The following ALK variants were observed in gnomAD, a reference collection of about 807,000 sequenced individuals.
ALK encodes ALK receptor tyrosine kinase.
Under a neutral mutation model 163.1 loss-of-function variants are expected in ALK, and 74 were observed. The observed-to-expected ratio is 0.45, with a 90% CI of 0.38 to 0.55. The LOEUF (loss-of-function observed/expected upper bound fraction) is 0.55. Ranked by LOEUF, ALK falls within the 20% of genes least tolerant of loss-of-function variation. ALK has a pLI of 0.00. For synonymous variants in ALK, 960 were observed against 843.2 expected, an observed-to-expected ratio of 1.14 and a Z score of -2.40; for missense variants, 2,063 against 2,105.3, an observed-to-expected ratio of 0.98 and a Z score of 0.39.
intron 4 of ALK, among the ~76,000 whole-genome samples, chr2:29,437,798 T>C (rs1304752897): frequency 1.3e-5 from 2 of 152,222 alleles, no homozygotes; most frequent in Non-Finnish European, 2.9e-5. Context: ...ATGCTACAAT[T>C]AGTAATCAAC....
At chr2:29,689,592 A>C (rs938375543) in intron 3 of ALK, among the ~76,000 whole-genome samples, 4 of 152,326 alleles carry the variant, frequency 2.6e-5, no homozygotes, top group Admixed American at 6.5e-5. Context: ...CCACAGATGC[A>C]TGGGATCCAC....
In ALK at chr2:29,232,431, C is replaced by G. The variant is rs201700728; in HGVS notation, c.2505G>C (p.Pro835=). 10 of 1,614,218 alleles carry G rather than the reference C, an allele frequency of 6.2e-6. No individual in the cohort carries two copies. Among genetic ancestry groups the G allele is most frequent in the Non-Finnish European group, 8.5e-6 (10 of 1,180,036 alleles). ...CTCCGGCTGCAATGATCAGGGGCAC[C>G]GGCACTCCATCCTTCATCTGACCAG... ...TYVFKMKDGV[P]VPLIIAAGGG... The change falls in exon 15 of 29, where the codon CCG becomes CCC. Residue 835 remains proline, a synonymous_variant. Transcript: ENST00000389048.
At chr2:29,282,098 C>T (rs1665732610) in intron 9 of ALK, among the ~76,000 whole-genome samples, 2 of 152,186 alleles carry the variant, frequency 1.3e-5, no homozygotes, top group African/African-American at 4.8e-5. Flanking sequence ...TCTCACATTC[C>T]TTCCTTGGCC....
chr2:29,250,107 C>G (rs796482166), intron 12 of ALK, among the ~76,000 whole-genome samples: 1 of 152,160 alleles, frequency 6.6e-6, no homozygotes, highest in Non-Finnish European at 1.5e-5. Context: ...GAGGCGAGCT[C>G]ATTTCCTATT....
intron 1 of ALK, among the ~76,000 whole-genome samples, chr2:29,824,230 C>T (rs1416213273): frequency 6.6e-6 from 1 of 152,246 alleles, no homozygotes; most frequent in Admixed American, 6.5e-5. Context: ...CATGGAAATG[C>T]CTGGATGTCC....
At chr2:29,232,559 T>A (rs924866706) in intron 14 of ALK, 111 bp from the exon 15 acceptor site, 2 of 1,442,536 alleles carry the variant, frequency 1.4e-6, no homozygotes, top group Non-Finnish European at 1.9e-6. Context: ...TGGGGTGACC[T>A]GGTGACCTCT....
At chr2:29,789,663 G>T (rs1664137101) in intron 1 of ALK, among the ~76,000 whole-genome samples, 1 of 152,174 alleles carries the variant, frequency 6.6e-6, no homozygotes, top group East Asian at 1.9e-4. Context: ...CTAGACTGGG[G>T]TGAATGAATG....
At position 29,413,869 on chromosome 2, in the gene ALK, T is replaced by C. The variant is rs547531482; in HGVS notation, c.1155-30010A>G. Among the ~76,000 whole-genome samples the C allele has an allele frequency of 2.4e-3, 361 of 152,294 alleles. 2 individuals carry two copies. The highest frequency in any genetic ancestry group is 8.2e-3 in the African/African-American group (342 of 41,558). ...TTTTAGTCGAGACGGGGTTTCGCCA[T>C]GTTGGCCACTCTGCCGAACTCCTGA... On this transcript the variant is annotated intron_variant, in intron 4 of 28. Coordinates refer to ENST00000389048, the MANE Select transcript of ALK (RefSeq NM_004304.5).
At chr2:29,874,878 C>T (rs1241310136) in intron 1 of ALK, among the ~76,000 whole-genome samples, 1 of 152,208 alleles carries the variant, frequency 6.6e-6, no homozygotes, top group African/African-American at 2.4e-5. Context: ...ACTTCCTTAT[C>T]AGTCCCTACC....
chr2:29,501,699 A>G (rs1166377101), intron 4 of ALK, among the ~76,000 whole-genome samples: 2 of 152,220 alleles, frequency 1.3e-5, no homozygotes, highest in Non-Finnish European at 2.9e-5. Flanking sequence ...AATATCCATA[A>G]CATAAAATAT....
intron 4 of ALK, among the ~76,000 whole-genome samples, chr2:29,502,799 T>G (rs1672221223): frequency 6.6e-6 from 1 of 152,192 alleles, no homozygotes; most frequent in African/African-American, 2.4e-5. Context: ...GGCTGGGTGC[T>G]GTGTGTACTG....
intron 11 of ALK, among the ~76,000 whole-genome samples, chr2:29,261,154 C>G (rs77779055): frequency 6.6e-6 from 1 of 152,192 alleles, no homozygotes; most frequent in African/African-American, 2.4e-5. Flanking sequence ...TAGCAACTAT[C>G]TCTTGGCTAC....
chr2:29,885,271 T>C (rs777378552), intron 1 of ALK, among the ~76,000 whole-genome samples: 11 of 152,146 alleles, frequency 7.2e-5, no homozygotes, highest in Non-Finnish European at 1.6e-4. Flanking sequence ...ACAATGTCTG[T>C]AGTTCAGCCT....
chr2:29,332,367 T>C (rs1667470837), intron 5 of ALK, among the ~76,000 whole-genome samples: 1 of 147,650 alleles, frequency 6.8e-6, no homozygotes, highest in African/African-American at 2.5e-5. Context: ...ATCTAGGCTA[T>C]GTCTGTTTCA....
At chr2:29,610,811 A>T (rs969362004) in intron 3 of ALK, among the ~76,000 whole-genome samples, 1 of 152,218 alleles carries the variant, frequency 6.6e-6, no homozygotes, top group Non-Finnish European at 1.5e-5. Context: ...AATTAAAAAA[A>T]TGACTCCGGA....
Position 29,229,004 on chromosome 2 carries a change from C to T in ALK, c.2695G>A (p.Gly899Ser). The change falls in exon 16 of 29, where the codon GGT (glycine) becomes AGT (serine). Residue 899 changes from glycine (G) to serine (S), a missense_variant. Physicochemically the swap from Gly to Ser is moderately conservative, Grantham distance 56. Around this residue, in one of 5 missense-constraint regions of ALK, gnomAD observed 575 missense variants for 626.6 expected, o/e 0.92. Transcript: ENST00000389048. ...GGGCAGGAATGTCCTCCGGTGGCACCCTCCTGCAAAGATTTTCCGGCCCAG... is the reference window on the plus strand; with the variant it reads ...GGGCAGGAATGTCCTCCGGTGGCACTCTCCTGCAAAGATTTTCCGGCCCAG... ...LLWAGKSLQEGATGGHSCPQA... is the reference protein window; with the variant it reads ...LLWAGKSLQESATGGHSCPQA... 5 of 1,613,230 alleles carry T rather than the reference C, an allele frequency of 3.1e-6. No individual in the cohort carries two copies. The highest frequency in any genetic ancestry group is 4.2e-6 in the Non-Finnish European group (5 of 1,179,744).
chr2:29,578,573 G>T (rs1305218587), intron 3 of ALK, among the ~76,000 whole-genome samples: 1 of 152,180 alleles, frequency 6.6e-6, no homozygotes, highest in Non-Finnish European at 1.5e-5. Flanking sequence ...TTGGGGGTAG[G>T]GGGGCTCCCA....
intron 3 of ALK, among the ~76,000 whole-genome samples, chr2:29,609,271 T>G (rs1043951240): frequency 6.6e-6 from 1 of 152,134 alleles, no homozygotes; most frequent in Non-Finnish European, 1.5e-5. Context: ...AATAGTTGTT[T>G]TTTTGTGTGT....
chr2:29,600,866 T>C (rs1675363590), intron 3 of ALK, among the ~76,000 whole-genome samples: 1 of 152,204 alleles, frequency 6.6e-6, no homozygotes, highest in Non-Finnish European at 1.5e-5. Flanking sequence ...CAGCTTAACT[T>C]GGAGGACCAT....
Sources: allele counts gnomAD v4.1 joint callset (sites outside exome capture counted in the v4.1 genomes callset), GRCh38; gene constraint gnomAD v4.1.1; regional missense constraint gnomAD v4.1.1; transcripts MANE v1.5; gene names NCBI Gene and HGNC (gene_info 2026-07-23, HGNC 2026-07-21).